Variants in SCN3A observed in about 807,000 individuals in gnomAD.
SCN3A encodes the protein sodium voltage-gated channel alpha subunit 3, also known as sodium channel protein type 3 subunit alpha.
In SCN3A, 60 loss-of-function variants were observed where a neutral mutation model predicts 187.6. That is an observed-to-expected ratio of 0.32 (90% confidence interval 0.26 to 0.40). The LOEUF (loss-of-function observed/expected upper bound fraction) is 0.40. Among genes scored for constraint, SCN3A ranks in the 10% least tolerant of loss-of-function variants. The probability of loss-of-function intolerance (pLI) is 1.00; values close to 1 mark genes in which losing one functional copy is unlikely to be tolerated. For missense variants in SCN3A, 1,601 were observed against 2,428.2 expected, an observed-to-expected ratio of 0.66 and a Z score of 7.16; for synonymous variants, 788 against 829.2, an observed-to-expected ratio of 0.95 and a Z score of 0.85.
Position 165,090,954 on chromosome 2 carries a change from A to C in SCN3A, c.5199T>G (p.Pro1733=). The C allele has an allele frequency of 6.2e-7, 1 of 1,614,130 alleles. No homozygotes were observed. Among genetic ancestry groups the C allele is most frequent in the Non-Finnish European group, 8.5e-7 (1 of 1,180,006 alleles). Residue 1733 remains proline (P), a synonymous_variant, in exon 28 of 28, where the codon CCT becomes CCG. Transcript: ENST00000283254. This position sits in a 1 kb window ranked among gnomAD's most constrained non-coding sequence, Gnocchi z 4.0. ...PPDCDPDTIH[P]GSSVKGDCGN... is the part of the protein sequence containing the mutation. ...CACAGTCTCCCTTAACTGAGCTGCC[A>C]GGGTGAATTGTGTCAGGGTCACAGT...
intron 12 of SCN3A, among the ~76,000 whole-genome samples, chr2:165,143,408 G>T (rs1354811809): frequency 6.6e-6 from 1 of 152,078 alleles, no homozygotes; most frequent in East Asian, 1.9e-4. Flanking sequence ...CCTTTAATTT[G>T]GATATTTTTA....
intron 19 of SCN3A, 136 bp from the exon 20 acceptor site, chr2:165,114,106 C>T: frequency 3.5e-6 from 2 of 576,824 alleles, no homozygotes; most frequent in South Asian, 2.6e-5. Context: ...TCCTAGTTAT[C>T]GTCAGCATCC....
At chr2:165,135,418 G>T (rs1687606586) in intron 15 of SCN3A, among the ~76,000 whole-genome samples, 1 of 152,034 alleles carries the variant, frequency 6.6e-6, no homozygotes, top group South Asian at 2.1e-4. Context: ...ACAATTCAGT[G>T]TCCTCATGTA....
At chr2:165,120,908 T>C (rs1272624081) in intron 18 of SCN3A, among the ~76,000 whole-genome samples, 1 of 152,078 alleles carries the variant, frequency 6.6e-6, no homozygotes, top group Non-Finnish European at 1.5e-5. Context: ...GGAGCTTCTT[T>C]TATTTTTAAA....
rs141223279 is a variant in SCN3A at position 165,113,779 on chromosome 2, C to A, written c.3669+37G>T. ...TAATTTTGGAGAATAAACTATTTCA[C>A]CAGAATCTGATTCTTGCCAATATGC... On this transcript the variant is annotated intron_variant, in intron 20 of 27. Coordinates refer to ENST00000283254, the MANE Select transcript of SCN3A (RefSeq NM_006922.4). 12 of 1,604,650 alleles carry A rather than the reference C, an allele frequency of 7.5e-6. No individual in the cohort carries two copies. The South Asian group carries it at 1.3e-4, about 18-fold the overall frequency.
Position 165,090,559 on chromosome 2 carries a change from C to G in SCN3A, c.5594G>C (p.Gly1865Ala), listed in dbSNP as rs1206967861. ...AFTKRVLGES[G>A]EMDALRIQME... ...CTGTATTCGAAGGGCATCCATCTCTCCACTCTCACCCAAAACACGCTTTGT... is the reference window on the plus strand; with the variant it reads ...CTGTATTCGAAGGGCATCCATCTCTGCACTCTCACCCAAAACACGCTTTGT... The change falls in exon 28 of 28, where the codon GGA (glycine) becomes GCA (alanine). Residue 1865 changes from glycine (G) to alanine (A), a missense_variant. Gly to Ala is a moderately conservative substitution (Grantham distance 60, BLOSUM62 0). Coordinates refer to ENST00000283254, the MANE Select transcript of SCN3A (RefSeq NM_006922.4). This position sits in a 1 kb window ranked among gnomAD's most constrained non-coding sequence, Gnocchi z 4.0. 10 of 1,613,980 alleles carry G rather than the reference C, an allele frequency of 6.2e-6. No homozygotes were observed. The highest frequency in any genetic ancestry group is 2.2e-5 in the South Asian group (2 of 91,076).
chr2:165,125,496 T>A (rs889434063), intron 18 of SCN3A, among the ~76,000 whole-genome samples: 4 of 152,076 alleles, frequency 2.6e-5, no homozygotes, highest in Non-Finnish European at 5.9e-5. Flanking sequence ...TTATTTATTT[T>A]TTAGTAGAGA....
At chr2:165,122,235 T>C (rs1686721628) in intron 18 of SCN3A, among the ~76,000 whole-genome samples, 1 of 118,474 alleles carries the variant, frequency 8.4e-6, no homozygotes. Flanking sequence ...TCTTTCTTTT[T>C]TTTCTTTTTT....
At chr2:165,139,754 T>C in intron 13 of SCN3A, 146 bp from the exon 14 acceptor site, 1 of 1,001,662 alleles carries the variant, frequency 1.0e-6, no homozygotes, top group Non-Finnish European at 1.5e-6. Context: ...TGCTAAGTTA[T>C]AAACAGTTTT....
intron 9 of SCN3A, 92 bp from the exon 10 acceptor site, chr2:165,155,995 GCTAT>G (rs1486659470): frequency 6.8e-7 from 1 of 1,472,808 alleles, no homozygotes; most frequent in Non-Finnish European, 9.5e-7. Context: ...ACCCAAAGCT[GCTAT>G]CTGTGACGAA....
At chr2:165,183,236 T>G (rs1208192633) in intron 2 of SCN3A, among the ~76,000 whole-genome samples, 2 of 152,218 alleles carry the variant, frequency 1.3e-5, no homozygotes, top group Non-Finnish European at 2.9e-5. Flanking sequence ...ACTCTCTGCC[T>G]GTAAAATAAA....
chr2:165,115,500 T>C lies in SCN3A; in HGVS notation c.3469A>G (p.Thr1157Ala). The C allele has an allele frequency of 1.2e-6, 2 of 1,614,036 alleles. No homozygotes were observed. Among genetic ancestry groups the C allele is most frequent in the Non-Finnish European group, 1.7e-6 (2 of 1,179,968 alleles). The change falls in exon 19 of 28, where the codon ACT becomes GCT. Residue 1157 changes from threonine (T) to alanine (A), a missense_variant. This residue lies in a region of SCN3A where 267 missense variants were observed against 313.2 expected (regional missense o/e 0.85). Coordinates refer to ENST00000283254, the MANE Select transcript of SCN3A (RefSeq NM_006922.4). ...VLPREGEQAE[T>A]EPEEDLKPEA... is the part of the protein sequence containing the mutation. ...GGTTTAAGGTCTTCTTCGGGTTCAG[T>C]TTCAGCTTGTTCACCTTCTCGGGGT...
intron 21 of SCN3A, among the ~76,000 whole-genome samples, chr2:165,103,457 A>G (rs1685702085): frequency 6.6e-6 from 1 of 152,212 alleles, no homozygotes; most frequent in Admixed American, 6.5e-5. Flanking sequence ...CTAAACACAA[A>G]AGGCACTCTT....
At chr2:165,156,193 C>T (rs955224424) in intron 9 of SCN3A, among the ~76,000 whole-genome samples, 1 of 152,084 alleles carries the variant, frequency 6.6e-6, no homozygotes, top group Non-Finnish European at 1.5e-5. Flanking sequence ...CTACTCTTTA[C>T]AAAGTGGCAA....
At chr2:165,141,047 A>G in intron 12 of SCN3A, 49 bp from the exon 13 acceptor site, 1 of 1,217,266 alleles carries the variant, frequency 8.2e-7, no homozygotes, top group South Asian at 1.3e-5. Context: ...TAGGGGAAGA[A>G]CGCAATTATT....
At chr2:165,190,409 T>C (rs1691515133) in intron 1 of SCN3A, among the ~76,000 whole-genome samples, 1 of 151,654 alleles carries the variant, frequency 6.6e-6, no homozygotes, top group Non-Finnish European at 1.5e-5. Flanking sequence ...TTTGAAAGAG[T>C]AAATTCATTA....
intron 11 of SCN3A, among the ~76,000 whole-genome samples, chr2:165,148,302 GTTGACTTTTCAAGACATCATAAAAGAC>G (rs572495360): frequency 2.1e-3 from 322 of 152,122 alleles, no homozygotes; most frequent in African/African-American, 4.7e-3. Flanking sequence ...CAGATAGCAA[GTTGACTTTTCAAGACATCATAAAAGAC>G]TTGACTTTTC....
In SCN3A at chr2:165,170,484, A is replaced by G. The variant is rs1374110015; in HGVS notation, c.329T>C (p.Ile110Thr). Residue 110 changes from isoleucine (I) to threonine (T), a missense_variant, in exon 4 of 28, where the codon ATT becomes ACT. Physicochemically the swap from Ile to Thr is moderately conservative, Grantham distance 89. Transcript: ENST00000283254. Reference sequence around the variant, plus strand: ...CCTAACAGGGTTTAGTGGAGTTAAAATATACAAGGCAGAGGTGGCACTGAA... The same window carrying G: ...CCTAACAGGGTTTAGTGGAGTTAAAGTATACAAGGCAGAGGTGGCACTGAA... ...FRFSATSALY[I>T]LTPLNPVRKI... is the part of the protein sequence containing the mutation. The G allele has an allele frequency of 6.2e-7, 1 of 1,611,716 alleles. No homozygotes were observed. The highest frequency in any genetic ancestry group is 1.3e-5 in the African/African-American group (1 of 74,834).
chr2:165,142,839 C>T (rs1029878690), intron 12 of SCN3A, among the ~76,000 whole-genome samples: 1 of 151,996 alleles, frequency 6.6e-6, no homozygotes, highest in Admixed American at 6.6e-5. Flanking sequence ...CAATCTCCAC[C>T]TCCCAAGTTC....
Sources: allele counts gnomAD v4.1 joint callset (sites outside exome capture counted in the v4.1 genomes callset), GRCh38; gene constraint gnomAD v4.1.1; regional missense constraint gnomAD v4.1.1; non-coding constraint Gnocchi (gnomAD v3.1); transcripts MANE v1.5; gene names NCBI Gene and HGNC (gene_info 2026-07-23, HGNC 2026-07-21).